GRID2: variants seen among roughly 807,000 people sequenced by gnomAD.
GRID2 encodes glutamate receptor ionotropic, delta-2.
Under a neutral mutation model 114.8 loss-of-function variants are expected in GRID2, and 33 were observed. The observed-to-expected ratio is 0.29, with a 90% CI of 0.22 to 0.38. GRID2 has a LOEUF of 0.38. GRID2 is among the 10% of genes least tolerant of loss of function. The pLI is 1.00. For missense variants in GRID2, 1,184 were observed against 1,257.7 expected (o/e 0.94, Z 0.89); for synonymous variants, 505 against 449.9 (o/e 1.12, Z -1.55).
intron 4 of GRID2, among the ~76,000 whole-genome samples, chr4:93,155,453 C>T (rs1737090622): frequency 6.6e-6 from 1 of 151,892 alleles, no homozygotes; most frequent in African/African-American, 2.4e-5. Context: ...CTATTTTCCC[C>T]TGGAAGTCAT....
intron 2 of GRID2, among the ~76,000 whole-genome samples, chr4:92,777,626 C>T (rs1052399457): frequency 3.3e-5 from 5 of 151,476 alleles, no homozygotes; most frequent in Middle Eastern, 3.4e-3. Flanking sequence ...AGAGATAGGG[C>T]CATTAAAGAA....
chr4:93,048,166 A>AG (rs1726343923), intron 2 of GRID2, among the ~76,000 whole-genome samples: 2 of 151,938 alleles, frequency 1.3e-5, no homozygotes, highest in African/African-American at 4.8e-5. Flanking sequence ...CGTGTGCCCC[A>AG]CTGTCAGCTG....
chr4:92,719,765 A>G (rs1313469879), intron 2 of GRID2, among the ~76,000 whole-genome samples: 1 of 152,160 alleles, frequency 6.6e-6, no homozygotes, highest in Non-Finnish European at 1.5e-5. Context: ...ACGAAGTAAA[A>G]TAGGACATGT....
intron 8 of GRID2, among the ~76,000 whole-genome samples, chr4:93,242,454 A>G (rs1747647724): frequency 6.6e-6 from 1 of 151,922 alleles, no homozygotes; most frequent in African/African-American, 2.4e-5. Context: ...TCATCGGGTT[A>G]TTTTTGTTTT....
chr4:93,312,753 A>C (rs1369122862), intron 8 of GRID2, among the ~76,000 whole-genome samples: 1 of 152,176 alleles, frequency 6.6e-6, no homozygotes, highest in African/African-American at 2.4e-5. Flanking sequence ...ATTTTGATGA[A>C]TATAATATAA....
intron 8 of GRID2, among the ~76,000 whole-genome samples, chr4:93,301,487 G>T (rs927476232): frequency 2.0e-5 from 3 of 152,096 alleles, no homozygotes; most frequent in East Asian, 1.9e-4. Flanking sequence ...AAAGCATTAT[G>T]TAGTTTTAAA....
rs560560800 is a variant in GRID2, at chr4:93,091,468, G to A, written c.529+6189G>A. Reference sequence around the variant, plus strand: ...TCTGTACCAGAGAGTTTTCTTTCATGGAGAATACTCCAGAAGTCATTTTGA... The same window carrying A: ...TCTGTACCAGAGAGTTTTCTTTCATAGAGAATACTCCAGAAGTCATTTTGA... On this transcript the variant is annotated intron_variant, in intron 3 of 15. Transcript: ENST00000282020. Among the ~76,000 whole-genome samples, 49 of 152,186 alleles carry A rather than the reference G, an allele frequency of 3.2e-4. No homozygotes were observed. In the South Asian group the frequency reaches 4.6e-3, roughly 14 times the overall value.
chr4:93,725,982 G>C (rs377181775), intron 14 of GRID2, among the ~76,000 whole-genome samples: 1 of 152,162 alleles, frequency 6.6e-6, no homozygotes, highest in Non-Finnish European at 1.5e-5. Flanking sequence ...AAGCTCTTTA[G>C]TTTAATTAGA....
At chr4:92,783,044 A>G (rs13115346) in intron 2 of GRID2, among the ~76,000 whole-genome samples, 1 of 152,092 alleles carries the variant, frequency 6.6e-6, no homozygotes, top group East Asian at 1.9e-4. Context: ...TGTTGGTAAA[A>G]TGTCCAATTG....
chr4:93,623,369 CATT>C (rs1742393996), intron 13 of GRID2, among the ~76,000 whole-genome samples: 1 of 152,040 alleles, frequency 6.6e-6, no homozygotes. Flanking sequence ...CATGTGTTCT[CATT>C]GTTCATGTGG....
At chr4:92,531,609 A>G (rs1316681070) in intron 1 of GRID2, among the ~76,000 whole-genome samples, 1 of 152,120 alleles carries the variant, frequency 6.6e-6, no homozygotes, top group Non-Finnish European at 1.5e-5. Context: ...TGAATAGGTC[A>G]TCACTGGTGA....
intron 2 of GRID2, among the ~76,000 whole-genome samples, chr4:92,681,804 T>C (rs1733663365): frequency 6.6e-6 from 1 of 152,102 alleles, no homozygotes; most frequent in Admixed American, 6.6e-5. Context: ...GGTTTGTTGA[T>C]TTAAAAATGT....
rs2149322060 is a variant in GRID2, at chr4:93,085,092, C to T, written c.342C>T (p.Ile114=). 1 of 1,614,106 alleles carries T rather than the reference C, an allele frequency of 6.2e-7. No homozygotes were observed. Among genetic ancestry groups the T allele is most frequent in the East Asian group, 2.2e-5 (1 of 44,872 alleles). The stretch of plus-strand genomic sequence containing the variant: ...AGTCTTTGGCAGACGCCATGCATAT[C>T]CCCCACCTCTTCATTCAGCGCTCAA... ...SLQSLADAMH[I]PHLFIQRSTA... is the part of the protein sequence containing the mutation. The change falls in exon 3 of 16, where the codon ATC becomes ATT. Residue 114 remains isoleucine, a synonymous_variant. Transcript: ENST00000282020.
At chr4:92,438,989 A>C (rs941906442) in intron 1 of GRID2, among the ~76,000 whole-genome samples, 11 of 151,998 alleles carry the variant, frequency 7.2e-5, no homozygotes, top group African/African-American at 2.2e-4. Context: ...ACCAAACAGG[A>C]TTTGTGTGAG....
chr4:92,908,283 C>T (rs1748108142), intron 2 of GRID2, among the ~76,000 whole-genome samples: 1 of 152,006 alleles, frequency 6.6e-6, no homozygotes, highest in African/African-American at 2.4e-5. Flanking sequence ...TGAATTATAG[C>T]ATCAACTATT....
intron 1 of GRID2, among the ~76,000 whole-genome samples, chr4:92,310,640 A>G (rs1172050584): frequency 1.3e-5 from 2 of 152,044 alleles, no homozygotes; most frequent in East Asian, 3.8e-4. Context: ...TTTAGAAGGT[A>G]TTGGACTAAA....
At chr4:93,404,267 G>A (rs1338462265) in intron 9 of GRID2, among the ~76,000 whole-genome samples, 2 of 152,104 alleles carry the variant, frequency 1.3e-5, no homozygotes, top group Non-Finnish European at 2.9e-5. Context: ...AACAAGAGTG[G>A]CATTTTTGAG....
At chr4:93,382,706 T>A (rs866104207) in intron 8 of GRID2, among the ~76,000 whole-genome samples, 3 of 152,056 alleles carry the variant, frequency 2.0e-5, no homozygotes. Flanking sequence ...GTCCAGTAGG[T>A]CCCCCATCAT....
chr4:93,323,644 G>A (rs1757493889), intron 8 of GRID2, among the ~76,000 whole-genome samples: 1 of 152,074 alleles, frequency 6.6e-6, no homozygotes. Context: ...GGGCACTATG[G>A]CCATTTTCAT....
Sources: gnomAD v4.1 joint callset for allele counts (sites outside exome capture counted in the v4.1 genomes callset) on GRCh38, gnomAD v4.1.1 for gene constraint, MANE v1.5 for transcripts, NCBI Gene and HGNC (gene_info 2026-07-23, HGNC 2026-07-21) for gene names.